The following THOC2 variants were observed in gnomAD, a reference collection of about 807,000 sequenced individuals.
THOC2 encodes the protein THO complex 2.
Under a neutral mutation model 128.4 loss-of-function variants are expected in THOC2, and 10 were observed. The ratio of observed to expected loss-of-function variants is 0.08; its 90% confidence interval spans 0.05 to 0.13. The LOEUF is 0.13. THOC2 is among the 10% of genes least tolerant of loss of function. The pLI, the probability that THOC2 is intolerant of heterozygous loss-of-function variation, is 1.00. For synonymous variants in THOC2, 393 were observed against 396.9 expected, an observed-to-expected ratio of 0.99 and a Z score of 0.12; for missense variants, 535 against 1,155.7, an observed-to-expected ratio of 0.46 and a Z score of 7.79.
intron 38 of THOC2, among the ~76,000 whole-genome samples, chrX:123,609,892 G>A (rs747603429): frequency 9.1e-6 from 1 of 110,133 alleles, no homozygotes; most frequent in Non-Finnish European, 1.9e-5. Flanking sequence ...AGCCGGGCGC[G>A]GTGGCAGGCG....
At chrX:123,712,030 A>AAT (rs200151022) in intron 2 of THOC2, among the ~76,000 whole-genome samples, 1,870 of 108,580 alleles carry the variant, frequency 0.017, 46 homozygotes, top group African/African-American at 0.057. Flanking sequence ...AACAAAAATA[A>AAT]ATATATATAT....
intron 6 of THOC2, among the ~76,000 whole-genome samples, chrX:123,696,439 CCT>C (rs1275370369): frequency 1.8e-5 from 2 of 110,883 alleles, no homozygotes; most frequent in African/African-American, 3.3e-5. Context: ...AAGAATATAC[CCT>C]GAGTATAGCC....
At chrX:123,609,430 T>C (rs1266099670) in intron 38 of THOC2, among the ~76,000 whole-genome samples, 2 of 112,167 alleles carry the variant, frequency 1.8e-5, no homozygotes, top group Admixed American at 9.4e-5. Flanking sequence ...GTGTTGACTA[T>C]AAGGCAACCT....
intron 7 of THOC2, among the ~76,000 whole-genome samples, chrX:123,692,599 T>A (rs998212236): frequency 4.7e-5 from 5 of 105,994 alleles, no homozygotes; most frequent in Non-Finnish European, 7.7e-5. Context: ...CCTCCTAGGT[T>A]CAAGTGATTC....
At chrX:123,649,891 T>C (rs2048287010) in intron 12 of THOC2, among the ~76,000 whole-genome samples, 1 of 111,526 alleles carries the variant, frequency 9.0e-6, no homozygotes, top group African/African-American at 3.3e-5. Context: ...TTCAGGGTAT[T>C]ATCCAGGAAA....
At chrX:123,719,707 C>G (rs2051602258) in intron 1 of THOC2, among the ~76,000 whole-genome samples, 1 of 107,938 alleles carries the variant, frequency 9.3e-6, no homozygotes, top group South Asian at 4.0e-4. Flanking sequence ...AAGGCCGAGG[C>G]AGGAAGATTC....
intron 32 of THOC2, 164 bp from the exon 33 acceptor site, chrX:123,619,600 T>C (rs2047012556): frequency 4.2e-6 from 2 of 476,855 alleles, no homozygotes; most frequent in Non-Finnish European, 7.1e-6. Flanking sequence ...AAAAAAAACA[T>C]GTAATGGAAT....
chrX:123,623,433 T>G, intron 28 of THOC2, 150 bp from the exon 29 acceptor site: 1 of 652,967 alleles, frequency 1.5e-6, no homozygotes, highest in Non-Finnish European at 2.2e-6. Context: ...TCTTGAAGGT[T>G]TTTATAGAAC....
intron 38 of THOC2, among the ~76,000 whole-genome samples, chrX:123,609,963 A>G (rs1466301237): frequency 9.0e-6 from 1 of 110,718 alleles, no homozygotes; most frequent in Non-Finnish European, 1.9e-5. Flanking sequence ...TGGGCGGCAG[A>G]GGTTGCAGTG....
In THOC2 at chrX:123,643,350, A is replaced by C. The variant is rs779318275; in HGVS notation, c.1661+1225T>G. Among the ~76,000 whole-genome samples the C allele has an allele frequency of 2.7e-5, 3 of 111,815 alleles. No individual in the cohort carries two copies. In the South Asian group the frequency reaches 1.1e-3, roughly 42 times the overall value. On this transcript the variant is annotated intron_variant, in intron 15 of 38. Transcript: ENST00000245838. The stretch of plus-strand genomic sequence containing the variant: ...TACCTTCAGGTAAAGTCAGTCACCA[A>C]AGGATTTTTAGGTAAGAGAATATAC...
chrX:123,606,563 C>T (rs1445249059), intron 38 of THOC2, among the ~76,000 whole-genome samples: 2 of 111,234 alleles, frequency 1.8e-5, no homozygotes, highest in Non-Finnish European at 3.8e-5. Context: ...CACTGCACTC[C>T]AGCATGGGTG....
chrX:123,668,207 C>T lies in THOC2; in HGVS notation c.969G>A (p.Met323Ile). ...LTMVVLSSEK[M>I]DEREKEKEKE... ...TTTCCTTTTCTTTCTCTCGCTCATCCATTTTTTCAGAAGACAACACAACCA... is the reference window on the plus strand; with the variant it reads ...TTTCCTTTTCTTTCTCTCGCTCATCTATTTTTTCAGAAGACAACACAACCA... The change falls in exon 10 of 39, where the codon ATG becomes ATA. Residue 323 changes from methionine (M) to isoleucine (I), a missense_variant. Around this residue, in one of 9 missense-constraint regions of THOC2, gnomAD observed 197 missense variants for 313.4 expected, o/e 0.63. Coordinates refer to ENST00000245838, the MANE Select transcript of THOC2 (RefSeq NM_001081550.2). 8.3e-7 allele frequency: 1 copy of T among 1,197,813 alleles called. No individual in the cohort carries two copies. The highest frequency in any genetic ancestry group is 1.1e-6 in the Non-Finnish European group (1 of 888,333).
At chrX:123,613,876 T>C (rs917483885) in intron 34 of THOC2, among the ~76,000 whole-genome samples, 168 bp from the exon 35 acceptor site, 4 of 111,255 alleles carry the variant, frequency 3.6e-5, no homozygotes, top group Admixed American at 9.6e-5. Flanking sequence ...CAGAGATTAC[T>C]AGGCTGAAGA....
intron 12 of THOC2, 21 bp from the exon 13 acceptor site, chrX:123,645,396 T>C: frequency 1.0e-6 from 1 of 974,519 alleles, no homozygotes; most frequent in Non-Finnish European, 1.4e-6. Flanking sequence ...AAAAAAGAAA[T>C]TAATAAAATA....
In THOC2 at chrX:123,685,985, G is replaced by T. The variant is rs145992336; in HGVS notation, c.768+563C>A. Among the ~76,000 whole-genome samples the T allele has an allele frequency of 7.6e-3, 842 of 111,274 alleles. 6 individuals carry two copies. The highest frequency in any genetic ancestry group is 0.026 in the African/African-American group (784 of 30,682). ...AGGTGGGAGGTTCACTTCGGACCAG[G>T]AGTCTGAGACTAGTCTGGGTGAGAT... On this transcript the variant is annotated intron_variant, in intron 8 of 38. Coordinates refer to ENST00000245838, the MANE Select transcript of THOC2 (RefSeq NM_001081550.2).
At chrX:123,624,925 T>G (rs1035685145) in intron 25 of THOC2, among the ~76,000 whole-genome samples, 2 of 111,231 alleles carry the variant, frequency 1.8e-5, no homozygotes, top group Admixed American at 9.6e-5. Flanking sequence ...AAAAAAAAAT[T>G]TATCATTATT....
intron 1 of THOC2, among the ~76,000 whole-genome samples, chrX:123,721,199 G>A (rs2051680511): frequency 9.1e-6 from 1 of 109,411 alleles, no homozygotes; most frequent in Non-Finnish European, 1.9e-5. Context: ...TTGAGACAGA[G>A]TCTTGCTCTG....
At chrX:123,612,282 A>G (rs1189431999) in intron 36 of THOC2, among the ~76,000 whole-genome samples, 1 of 112,183 alleles carries the variant, frequency 8.9e-6, no homozygotes, top group Non-Finnish European at 1.9e-5. Context: ...ACAATTCAAA[A>G]GTCCATCAAC....
chrX:123,619,382 G>T lies in THOC2; in HGVS notation c.4311+19C>A. ...AACATTTGGTTTACTTAGGCATGAT[G>T]ATTTTAAAAGACTCAAACCTTTGCT... On this transcript the variant is annotated intron_variant, in intron 33 of 38. Coordinates refer to ENST00000245838, the MANE Select transcript of THOC2 (RefSeq NM_001081550.2). 9.3e-7 allele frequency: 1 copy of T among 1,070,776 alleles called. No individual in the cohort carries two copies. Among genetic ancestry groups the T allele is most frequent in the Non-Finnish European group, 1.3e-6 (1 of 775,562 alleles). The allele number at this position is 1,070,776 out of a possible 1,213,427, so 88.2% of individuals were successfully genotyped here.
Sources: allele counts gnomAD v4.1 joint callset (sites outside exome capture counted in the v4.1 genomes callset), GRCh38; gene constraint gnomAD v4.1.1; regional missense constraint gnomAD v4.1.1; transcripts MANE v1.5; gene names NCBI Gene and HGNC (gene_info 2026-07-23, HGNC 2026-07-21).